Variants in DNAJB1 observed in about 807,000 individuals in gnomAD.
DNAJB1 encodes the protein dnaJ homolog subfamily B member 1.
A neutral mutation model predicts 24.0 loss-of-function variants in DNAJB1; 14 were observed. That is an observed-to-expected ratio of 0.58 (90% CI 0.39 to 0.91). The LOEUF (loss-of-function observed/expected upper bound fraction) is 0.91. Ranked by LOEUF, DNAJB1 falls within the 40% of genes least tolerant of loss-of-function variation. The pLI is 0.00. For missense variants in DNAJB1, 517 were observed against 458.1 expected (o/e 1.13, Z -1.17); for synonymous variants, 262 against 174.4 (o/e 1.50, Z -3.96).
Position 14,546,183 on chromosome 19 carries a change from C to T in DNAJB1, c.-214+4025G>A, listed in dbSNP as rs552872288. On this transcript the variant is annotated intron_variant, in intron 1 of 3. Transcript: ENST00000676982. ...CATGGGGGCGGCGCTGGGGGCTACT[C>T]AGCTGGGAAATCATTACAGACATTT... Among the ~76,000 whole-genome samples, 5 of 152,242 alleles carry T rather than the reference C, an allele frequency of 3.3e-5. No homozygotes were observed. In the East Asian group the frequency reaches 9.6e-4, roughly 29 times the overall value.
At chr19:14,553,753 C>T (rs927549521), upstream of DNAJB1, among the ~76,000 whole-genome samples, 2 of 152,138 alleles carry the variant, frequency 1.3e-5, no homozygotes, top group African/African-American at 2.4e-5. Flanking sequence ...TGGGCATGAT[C>T]GGGCCAGGCC....
intron 1 of DNAJB1, among the ~76,000 whole-genome samples, chr19:14,542,130 T>G (rs1463888476): frequency 1.3e-5 from 2 of 151,982 alleles, no homozygotes; most frequent in Non-Finnish European, 2.9e-5. Context: ...CAATTACCTA[T>G]GAATTATTGT....
intron 1 of DNAJB1, chr19:14,529,117 A>G (rs1177255742): frequency 1.7e-5 from 3 of 178,804 alleles, no homozygotes; most frequent in South Asian, 9.3e-5. Context: ...GTCTCCTCCC[A>G]TAGTGACCTC....
In DNAJB1 at chr19:14,517,022, C is replaced by T; in HGVS notation, c.236G>A (p.Gly79Asp). 1 of 1,610,296 alleles carries T rather than the reference C, an allele frequency of 6.2e-7. No individual in the cohort carries two copies. Among genetic ancestry groups the T allele is most frequent in the Non-Finnish European group, 8.5e-7 (1 of 1,179,020 alleles). ...ACCATTGGCACCACCGCCGCTACCG[C>T]CACTGGGGCCACTCCCCTTTAGGCC... ...EEGLKGSGPS[G>D]GSGGGANGTS... The change falls in exon 2 of 3, where the codon GGC becomes GAC. Residue 79 changes from glycine to aspartate, a missense_variant. By Grantham distance (94) the Gly-to-Asp change is moderately conservative. Coordinates refer to ENST00000254322, the MANE Select transcript of DNAJB1 (RefSeq NM_006145.3).
chr19:14,557,979 T>G (rs1250238944), intron 1 of DNAJB1, among the ~76,000 whole-genome samples: 1 of 151,726 alleles, frequency 6.6e-6, no homozygotes, highest in Non-Finnish European at 1.5e-5. Flanking sequence ...ATGGTCTCGA[T>G]CTCCTGACCT....
At chr19:14,529,375 T>G, upstream of DNAJB1, 5 of 513,006 alleles carry the variant, frequency 9.7e-6, no homozygotes, top group Non-Finnish European at 7.1e-6. Context: ...GAGACCTCCT[T>G]TGGATTGGTG....
intron 1 of DNAJB1, among the ~76,000 whole-genome samples, chr19:14,537,768 C>T (rs763104513): frequency 7.5e-4 from 89 of 117,942 alleles, no homozygotes; most frequent in Non-Finnish European, 1.3e-3. Flanking sequence ...TTTTTTGAGA[C>T]GAAGTCTCGC....
At chr19:14,554,370 C>T (rs2073645251), upstream of DNAJB1, among the ~76,000 whole-genome samples, 2 of 152,164 alleles carry the variant, frequency 1.3e-5, no homozygotes, top group Admixed American at 1.3e-4. Context: ...TGAGGCCGGC[C>T]CAGAATCCAA....
exon 1 of DNAJB1, chr19:14,529,289 G>A (rs931468324): frequency 2.5e-5 from 9 of 360,358 alleles, no homozygotes; most frequent in Admixed American, 7.7e-5. Flanking sequence ...CCGCCCCCGC[G>A]TCTGGCCTAA....
At chr19:14,551,979 C>CTT (rs754053975), upstream of DNAJB1, among the ~76,000 whole-genome samples, 10 of 89,714 alleles carry the variant, frequency 1.1e-4, no homozygotes, top group East Asian at 7.0e-4. Flanking sequence ...CTCTTTCTCT[C>CTT]TTTTTTTTTT....
chr19:14,541,428 G>T (rs934284262), intron 1 of DNAJB1, among the ~76,000 whole-genome samples: 1 of 152,264 alleles, frequency 6.6e-6, no homozygotes, highest in Non-Finnish European at 1.5e-5. Flanking sequence ...CGCACAGGTT[G>T]TGGGCAGGTC....
Position 14,544,991 on chromosome 19 carries a change from C to T in DNAJB1, c.-214+5217G>A, listed in dbSNP as rs542899444. The stretch of plus-strand genomic sequence containing the variant: ...TCTAGGAACTGCGGTGTCCTTTTCA[C>T]TCCTTCCCTTCTCTGTTCCCTCCCT... On this transcript the variant is annotated intron_variant, in intron 1 of 3. Coordinates refer to the DNAJB1 transcript ENST00000676982. 59 of 412,918 alleles carry T rather than the reference C, an allele frequency of 1.4e-4. 1 individual carries two copies. Among genetic ancestry groups the T allele is most frequent in the South Asian group, 1.0e-3 (59 of 58,248 alleles). The allele number at this position is 412,918 out of a possible 1,614,324, so 25.6% of individuals were successfully genotyped here. A position where few individuals can be genotyped will look rare whatever the true frequency, so the allele number is the denominator to read the frequency against.
exon 1 of DNAJB1, chr19:14,529,296 C>T (rs1048648671): frequency 5.2e-6 from 2 of 384,616 alleles, no homozygotes; most frequent in South Asian, 4.8e-5. Context: ...CGCGTCTGGC[C>T]TAACCGTCGC....
chr19:14,515,147 T>A lies in DNAJB1; in HGVS notation c.*793A>T, dbSNP rs1489656917. On this transcript the variant is annotated 3_prime_UTR_variant, in exon 3 of 3. Transcript: ENST00000254322. ...CAGATCCCTTTGAAAGAGTCCATAGTCCATGAAACAAAAAATTACCTGGGC... is the reference window on the plus strand; with the variant it reads ...CAGATCCCTTTGAAAGAGTCCATAGACCATGAAACAAAAAATTACCTGGGC... 1.3e-5 allele frequency: 2 copies of A among 152,602 alleles called. No homozygotes were observed. The highest frequency in any genetic ancestry group is 4.8e-5 in the African/African-American group (2 of 41,424). The allele number at this position is 152,602 out of a possible 1,614,324, so 9.5% of individuals were successfully genotyped here.
At chr19:14,556,714 G>A (rs1042986742) in intron 1 of DNAJB1, among the ~76,000 whole-genome samples, 1 of 152,172 alleles carries the variant, frequency 6.6e-6, no homozygotes, top group Non-Finnish European at 1.5e-5. Flanking sequence ...CAGGGTTAAG[G>A]TCCCATTCTG....
At chr19:14,517,816 G>T in intron 1 of DNAJB1, 1 of 257,136 alleles carries the variant, frequency 3.9e-6, no homozygotes, top group Non-Finnish European at 7.4e-6. Context: ...AGCGGGCTCC[G>T]CCGCGCCGTC....
chr19:14,549,590 G>T (rs2073424428), intron 1 of DNAJB1, among the ~76,000 whole-genome samples: 1 of 152,014 alleles, frequency 6.6e-6, no homozygotes, highest in Non-Finnish European at 1.5e-5. Context: ...GCCTCCCAAA[G>T]TGCTGGGATT....
Position 14,518,239 on chromosome 19 carries a change from C to T in DNAJB1, c.111G>A (p.Lys37=), listed in dbSNP as rs970042268. 1 of 1,608,914 alleles carries T rather than the reference C, an allele frequency of 6.2e-7. No individual in the cohort carries two copies. Among genetic ancestry groups the T allele is most frequent in the African/African-American group, 1.3e-5 (1 of 74,438 alleles). Residue 37 remains lysine, a synonymous_variant, in exon 1 of 3, where the codon AAG becomes AAA. Coordinates refer to ENST00000254322, the MANE Select transcript of DNAJB1 (RefSeq NM_006145.3). ...TGAACTTCTCCTCGGCGCCGGGCTC[C>T]TTGTTCTTGTCCGGGTGGTAGCGCA... is the stretch of plus-strand genomic sequence containing the variant. The part of the protein sequence containing the change: ...QALRYHPDKN[K]EPGAEEKFKE...
upstream of DNAJB1, among the ~76,000 whole-genome samples, chr19:14,550,675 C>CA (rs2073468296): frequency 6.6e-6 from 1 of 152,064 alleles, no homozygotes; most frequent in Middle Eastern, 3.2e-3. Context: ...CCAGGAGTGT[C>CA]AGTTTTTTGG....
Sources: gnomAD v4.1 joint callset for allele counts (sites outside exome capture counted in the v4.1 genomes callset) on GRCh38, gnomAD v4.1.1 for gene constraint, MANE v1.5 for transcripts, NCBI Gene and HGNC (gene_info 2026-07-23, HGNC 2026-07-21) for gene names.